Variants in N4BP2L2 observed in about 807,000 individuals in gnomAD.
The protein encoded by N4BP2L2 is NEDD4-binding protein 2-like 2.
N4BP2L2 carries 50 observed loss-of-function variants against 56.2 expected under a neutral mutation model. The observed-to-expected ratio is 0.89, with a 90% CI of 0.71 to 1.13. The LOEUF (loss-of-function observed/expected upper bound fraction) is 1.13, where lower values mean the gene tolerates loss of function less well. Among genes scored for constraint, N4BP2L2 ranks in the 50% most tolerant of loss-of-function variants. The pLI is 0.00. For synonymous variants in N4BP2L2, 203 were observed against 223.6 expected (o/e 0.91, Z 0.82); for missense variants, 689 against 693.8 (o/e 0.99, Z 0.08).
rs957996892 is a variant in N4BP2L2, at chr13:32,460,084, A to G, written c.366-15958T>C. Reference sequence around the variant, plus strand: ...TGATCATCTCAACAGATGCAGAAAAAGTATTTGACAAAATCCAACATCCCT... The same window carrying G: ...TGATCATCTCAACAGATGCAGAAAAGGTATTTGACAAAATCCAACATCCCT... On this transcript the variant is annotated intron_variant, in intron 6 of 9. Transcript: ENST00000357505. 2.0e-5 allele frequency among the ~76,000 whole-genome samples: 3 copies of G among 152,206 alleles called. No homozygotes were observed. In the East Asian group the frequency reaches 5.8e-4, roughly 29 times the overall value.
intron 6 of N4BP2L2, among the ~76,000 whole-genome samples, chr13:32,461,148 TA>T (rs1357439545): frequency 6.6e-6 from 1 of 152,134 alleles, no homozygotes; most frequent in Non-Finnish European, 1.5e-5. Flanking sequence ...GGCCTAAGCA[TA>T]AGATCGAAAA....
At chr13:32,487,564 C>A (rs1341843032) in intron 6 of N4BP2L2, among the ~76,000 whole-genome samples, 1 of 150,986 alleles carries the variant, frequency 6.6e-6, no homozygotes, top group Non-Finnish European at 1.5e-5. Context: ...CCCAGCTACT[C>A]GGGAGGCTGA....
At chr13:32,481,617 G>A (rs915510488) in intron 6 of N4BP2L2, among the ~76,000 whole-genome samples, 2 of 152,174 alleles carry the variant, frequency 1.3e-5, no homozygotes, top group African/African-American at 4.8e-5. Flanking sequence ...ATAGGCAAGA[G>A]GAACTATTTC....
At chr13:32,453,451 TGA>T (rs2078450086) in intron 6 of N4BP2L2, among the ~76,000 whole-genome samples, 1 of 151,294 alleles carries the variant, frequency 6.6e-6, no homozygotes, top group African/African-American at 2.4e-5. Flanking sequence ...AAAAAAAAGC[TGA>T]GTCTCAGTAA....
chr13:32,492,272 A>ATTTTTTTTTTTTTTTT (rs1185615708), intron 6 of N4BP2L2, among the ~76,000 whole-genome samples: 2 of 77,040 alleles, frequency 2.6e-5, no homozygotes, highest in African/African-American at 1.1e-4. Context: ...AAAACACCAA[A>ATTTTTTTTTTTTTTTT]ATTTTTTTTT....
chr13:32,477,148 AC>A, intron 6 of N4BP2L2: 1 of 587,948 alleles, frequency 1.7e-6, no homozygotes, highest in Non-Finnish European at 3.2e-6. Flanking sequence ...ACTATCATAC[AC>A]CAGCTGAGCA....
At chr13:32,475,118 A>C (rs1265174186) in intron 6 of N4BP2L2, among the ~76,000 whole-genome samples, 4 of 152,212 alleles carry the variant, frequency 2.6e-5, no homozygotes, top group Admixed American at 2.6e-4. Context: ...AAGTGCTGAG[A>C]ATCAGCACTA....
At chr13:32,461,584 T>A (rs1284842052) in intron 6 of N4BP2L2, among the ~76,000 whole-genome samples, 17 of 152,182 alleles carry the variant, frequency 1.1e-4, no homozygotes, top group Non-Finnish European at 5.9e-5. Flanking sequence ...TGAGATATCA[T>A]TCTACCCCAG....
chr13:32,459,515 T>C (rs1482316272), intron 6 of N4BP2L2, among the ~76,000 whole-genome samples: 3 of 152,020 alleles, frequency 2.0e-5, no homozygotes, highest in African/African-American at 7.2e-5. Context: ...GCTAACAAAG[T>C]AGAAATTCCA....
exon 7 of N4BP2L2, chr13:32,443,450 A>C (rs776076220): frequency 1.5e-5 from 24 of 1,613,854 alleles, no homozygotes; most frequent in Non-Finnish European, 1.9e-5. Context: ...AAAAAAGCCC[A>C]GTGATTGATT....
intron 3 of N4BP2L2, 38 bp downstream of exon 3, chr13:32,527,370 C>T (rs769625383): frequency 2.0e-5 from 32 of 1,600,270 alleles, no homozygotes; most frequent in Non-Finnish European, 2.5e-5. Context: ...GACTCCTAGC[C>T]AAATATTCTA....
chr13:32,462,594 C>T (rs973259385), intron 6 of N4BP2L2, among the ~76,000 whole-genome samples: 3 of 151,790 alleles, frequency 2.0e-5, no homozygotes, highest in South Asian at 2.1e-4. Flanking sequence ...TTTATATTTC[C>T]GAATAGCTAG....
chr13:32,436,785 C>CAAAAAAAAAAAAA (rs1174354861), intron 8 of N4BP2L2, among the ~76,000 whole-genome samples: 3 of 44,966 alleles, frequency 6.7e-5, no homozygotes, highest in Non-Finnish European at 8.1e-5. Flanking sequence ...GTGTGACTGT[C>CAAAAAAAAAAAAA]AAAAAAAAAA....
exon 10 of N4BP2L2, chr13:32,432,901 T>C (rs1460898069): frequency 6.6e-6 from 1 of 152,216 alleles, no homozygotes; most frequent in Non-Finnish European, 1.5e-5. Context: ...ATCCCTTGGG[T>C]TGGCACTGAG....
Position 32,442,985 on chromosome 13 carries a change from AC to A in N4BP2L2, c.1506del (p.Leu503Ter), listed in dbSNP as rs1566021283. On this transcript the variant is annotated frameshift_variant, in exon 7 of 10. Coordinates refer to the N4BP2L2 transcript ENST00000357505. LOFTEE classifies it high-confidence loss of function. The stretch of plus-strand genomic sequence containing the variant: ...ATTTTTAGTCCATGGTTTTTTGTTA[AC>A]AGGTCACATTTCTCCCTTTCTTTTA... The A allele has an allele frequency of 1.2e-6, 2 of 1,613,760 alleles. No individual in the cohort carries two copies. Among genetic ancestry groups the A allele is most frequent in the Non-Finnish European group, 1.7e-6 (2 of 1,179,838 alleles).
chr13:32,446,505 A>G, intron 6 of N4BP2L2: 1 of 1,307,076 alleles, frequency 7.7e-7, no homozygotes, highest in Non-Finnish European at 1.0e-6. Context: ...GGAGAAAAAG[A>G]ACAAATAGAG....
chr13:32,457,252 A>T (rs768173175), intron 6 of N4BP2L2, among the ~76,000 whole-genome samples: 39 of 152,238 alleles, frequency 2.6e-4, no homozygotes, highest in Admixed American at 2.0e-4. Flanking sequence ...TGAAATTACT[A>T]AATACACAAA....
At chr13:32,512,481 T>C (rs969077911) in exon 6 of N4BP2L2, 1 of 152,212 alleles carries the variant, frequency 6.6e-6, no homozygotes, top group African/African-American at 2.4e-5. Context: ...GGAAGTGAAT[T>C]ATAATGTGTA....
chr13:32,482,078 TTATGCTTATCTTTTTTG>T (rs1456812580), intron 6 of N4BP2L2, among the ~76,000 whole-genome samples: 1 of 152,240 alleles, frequency 6.6e-6, no homozygotes, highest in African/African-American at 2.4e-5. Flanking sequence ...CACCATTGGC[TTATGCTTATCTTTTTTG>T]TATGTCTTAA....
Sources: gnomAD v4.1 joint callset for allele counts (sites outside exome capture counted in the v4.1 genomes callset) on GRCh38, gnomAD v4.1.1 for gene constraint, MANE v1.5 for transcripts, NCBI Gene and HGNC (gene_info 2026-07-23, HGNC 2026-07-21) for gene names.